The following EYS variants were observed in gnomAD, a reference collection of about 807,000 sequenced individuals.
EYS encodes EGF-like photoreceptor maintenance factor.
In EYS, 250 loss-of-function variants were observed where a neutral mutation model predicts 282.1. That is an observed-to-expected ratio of 0.89 (90% CI 0.80 to 0.98). EYS has a LOEUF of 0.98. EYS is among the 50% of genes least tolerant of loss of function. EYS has a pLI of 0.00. For missense variants in EYS, 4,016 were observed against 3,709.0 expected, an observed-to-expected ratio of 1.08 and a Z score of -2.15; for synonymous variants, 1,355 against 1,282.9, an observed-to-expected ratio of 1.06 and a Z score of -1.20.
chr6:64,493,478 G>T (rs1582818141), intron 26 of EYS, among the ~76,000 whole-genome samples: 2 of 151,554 alleles, frequency 1.3e-5, no homozygotes, highest in South Asian at 4.2e-4. Context: ...AACAATGAAT[G>T]CTTCGTTAAA....
At chr6:65,179,277 C>G (rs1480915464) in intron 12 of EYS, among the ~76,000 whole-genome samples, 2 of 151,762 alleles carry the variant, frequency 1.3e-5, no homozygotes, top group African/African-American at 4.8e-5. Flanking sequence ...AATCCAGGAG[C>G]TGGTTTTTTG....
intron 12 of EYS, 86 bp from the exon 13 acceptor site, chr6:65,057,813 AAT>A: frequency 1.1e-6 from 1 of 923,248 alleles, no homozygotes. Context: ...ACAAGCCTTT[AAT>A]CCACTTAGGA....
chr6:63,951,991 C>T (rs1453199341), intron 35 of EYS, among the ~76,000 whole-genome samples: 1 of 152,158 alleles, frequency 6.6e-6, no homozygotes, highest in Non-Finnish European at 1.5e-5. Context: ...GATTCCAGCC[C>T]TCAAACCCCA....
At chr6:65,178,591 G>C (rs1353725840) in intron 12 of EYS, among the ~76,000 whole-genome samples, 1 of 151,996 alleles carries the variant, frequency 6.6e-6, no homozygotes. Context: ...AAGAGACTTA[G>C]ACTCCCACAC....
At chr6:65,532,117 C>T (rs1008067153) in intron 2 of EYS, among the ~76,000 whole-genome samples, 6 of 151,972 alleles carry the variant, frequency 3.9e-5, no homozygotes, top group Non-Finnish European at 7.4e-5. Context: ...ATTTTAAATA[C>T]TTTAAAAGGT....
At chr6:64,319,689 A>G (rs995117563) in intron 29 of EYS, among the ~76,000 whole-genome samples, 6 of 150,618 alleles carry the variant, frequency 4.0e-5, no homozygotes, top group African/African-American at 9.8e-5. Context: ...AGGCAATCTC[A>G]GATGGATGGA....
At chr6:64,470,036 C>T (rs1260619456) in intron 26 of EYS, among the ~76,000 whole-genome samples, 1 of 152,164 alleles carries the variant, frequency 6.6e-6, no homozygotes, top group East Asian at 1.9e-4. Context: ...ACGTGACCCA[C>T]GTGACCTTAC....
At chr6:63,907,423 T>C (rs1053227397) in intron 35 of EYS, among the ~76,000 whole-genome samples, 1 of 152,156 alleles carries the variant, frequency 6.6e-6, no homozygotes, top group Non-Finnish European at 1.5e-5. Flanking sequence ...CAAGGATTCC[T>C]AAAGCTTTGA....
chr6:65,068,470 C>A (rs1275547374), intron 12 of EYS, among the ~76,000 whole-genome samples: 1 of 151,958 alleles, frequency 6.6e-6, no homozygotes, highest in Non-Finnish European at 1.5e-5. Context: ...ACTATTTTTT[C>A]TTCTATTCCA....
At chr6:65,690,503 A>T (rs1425367597) in intron 1 of EYS, among the ~76,000 whole-genome samples, 1 of 149,964 alleles carries the variant, frequency 6.7e-6, no homozygotes, top group South Asian at 2.1e-4. Context: ...AACCTCCCTG[A>T]CTGCACGTCC....
intron 1 of EYS, among the ~76,000 whole-genome samples, chr6:65,642,889 G>T (rs1336193170): frequency 6.6e-6 from 1 of 152,228 alleles, no homozygotes; most frequent in African/African-American, 2.4e-5. Context: ...AATTTAGAGA[G>T]CTTTGATTAA....
intron 5 of EYS, among the ~76,000 whole-genome samples, chr6:65,433,917 T>C (rs1008611353): frequency 8.5e-5 from 13 of 152,210 alleles, no homozygotes; most frequent in African/African-American, 2.9e-4. Flanking sequence ...ATATGAAATA[T>C]ACCTCTTCTT....
At chr6:65,540,034 T>C (rs569544419) in intron 2 of EYS, among the ~76,000 whole-genome samples, 3 of 152,220 alleles carry the variant, frequency 2.0e-5, no homozygotes, top group Non-Finnish European at 4.4e-5. Flanking sequence ...AAGTTTAGAC[T>C]GATATATTCC....
intron 33 of EYS, among the ~76,000 whole-genome samples, chr6:64,052,808 C>G (rs1053271819): frequency 6.6e-6 from 1 of 152,114 alleles, no homozygotes; most frequent in African/African-American, 2.4e-5. Flanking sequence ...CATTTCCCCA[C>G]TTGCACTCAT....
chr6:64,976,293 A>G (rs1246867611), intron 14 of EYS, among the ~76,000 whole-genome samples: 1 of 151,986 alleles, frequency 6.6e-6, no homozygotes, highest in Non-Finnish European at 1.5e-5. Flanking sequence ...AGAAATATTC[A>G]AAGTGCCATG....
intron 31 of EYS, among the ~76,000 whole-genome samples, chr6:64,193,109 T>G (rs909735247): frequency 6.6e-6 from 1 of 152,238 alleles, no homozygotes; most frequent in Non-Finnish European, 1.5e-5. Context: ...TTTGTAGAAA[T>G]TTCTTTCTTC....
At chr6:63,798,321 A>T (rs114481203) in intron 37 of EYS, among the ~76,000 whole-genome samples, 1,647 of 152,302 alleles carry the variant, frequency 0.011, 13 homozygotes, top group Non-Finnish European at 0.016. Context: ...GACTCAAATA[A>T]TTTAAAACAG....
At chr6:64,018,329 C>T (rs1182996275) in intron 33 of EYS, among the ~76,000 whole-genome samples, 1 of 152,118 alleles carries the variant, frequency 6.6e-6, no homozygotes, top group Non-Finnish European at 1.5e-5. Flanking sequence ...TAGCATACCT[C>T]AGGAAAGTGA....
intron 19 of EYS, among the ~76,000 whole-genome samples, chr6:64,824,408 T>C (rs538909093): frequency 1.3e-5 from 2 of 152,070 alleles, no homozygotes; most frequent in Admixed American, 1.3e-4. Context: ...ATTGGGATGA[T>C]AGAGTATAGG....
Sources: gnomAD v4.1 joint callset for allele counts (sites outside exome capture counted in the v4.1 genomes callset) on GRCh38, gnomAD v4.1.1 for gene constraint, MANE v1.5 for transcripts, NCBI Gene and HGNC (gene_info 2026-07-23, HGNC 2026-07-21) for gene names.